Variants in CPED1 observed in about 807,000 individuals in gnomAD.
CPED1 encodes cadherin-like and PC-esterase domain-containing protein 1.
CPED1 carries 114 observed loss-of-function variants against 128.2 expected under a neutral mutation model. The ratio of observed to expected loss-of-function variants is 0.89; its 90% CI spans 0.76 to 1.04. CPED1 has a LOEUF of 1.04. Among genes scored for constraint, CPED1 ranks in the 50% least tolerant of loss-of-function variants. The pLI is 0.00. For synonymous variants in CPED1, 462 were observed against 426.7 expected (o/e 1.08, Z -1.02); for missense variants, 1,211 against 1,207.1 (o/e 1.00, Z -0.05).
At chr7:121,063,585 A>AT (rs1793742829) in intron 4 of CPED1, among the ~76,000 whole-genome samples, 1 of 151,926 alleles carries the variant, frequency 6.6e-6, no homozygotes, top group East Asian at 1.9e-4. Context: ...AATGAATCTG[A>AT]TTTTCAAGCT....
chr7:121,169,892 A>G (rs145703930), intron 16 of CPED1, among the ~76,000 whole-genome samples: 1 of 152,108 alleles, frequency 6.6e-6, no homozygotes, highest in Admixed American at 6.5e-5. Context: ...TTTCTTTAGC[A>G]TGGATGGCTC....
chr7:121,248,594 CAAAAAAAAA>C lies in CPED1; in HGVS notation c.2310+4267_2310+4275del, dbSNP rs36015608. Among the ~76,000 whole-genome samples the C allele has an allele frequency of 1.0e-3, 120 of 118,474 alleles. 1 individual carries two copies. The highest frequency in any genetic ancestry group is 4.0e-3 in the African/African-American group (114 of 28,570). The allele number at this position is 118,474 out of a possible 152,430, so 77.7% of individuals were successfully genotyped here. A position where few individuals can be genotyped will look rare whatever the true frequency, so the allele number is the denominator to read the frequency against. ...GCTAATATAGCAGCACCCTGTGAAACAAAAAAAAAAAAAAAAAAAGCATTAAGCCACAAA... is the reference window on the plus strand; with the variant it reads ...GCTAATATAGCAGCACCCTGTGAAACAAAAAAAAAAGCATTAAGCCACAAA... On this transcript the variant is annotated intron_variant, in intron 18 of 22. Transcript: ENST00000310396.
At chr7:121,005,713 C>A (rs1048385949) in intron 2 of CPED1, among the ~76,000 whole-genome samples, 2 of 152,168 alleles carry the variant, frequency 1.3e-5, no homozygotes, top group African/African-American at 4.8e-5. Flanking sequence ...AATTTAAGGG[C>A]TTTTACTTAA....
At position 121,124,403 on chromosome 7, in the gene CPED1, A is replaced by G. The variant is rs1795453351; in HGVS notation, c.991A>G (p.Ile331Val). 1 of 1,608,698 alleles carries G rather than the reference A, an allele frequency of 6.2e-7. No individual in the cohort carries two copies. The highest frequency in any genetic ancestry group is 2.2e-5 in the East Asian group (1 of 44,514). The change falls in exon 8 of 23, where the codon ATT (isoleucine) becomes GTT (valine). Residue 331 changes from isoleucine (I) to valine (V), a missense_variant. Ile to Val is a conservative substitution (Grantham distance 29). Transcript: ENST00000310396. The stretch of plus-strand genomic sequence containing the variant: ...GGCTTTTGACATTATGAAGGAAGCA[A>G]TTGGCAAACTACTGCTAGCGGCTGA... ...QQAFDIMKEAIGKLLLAAEVF... is the reference protein window; with the variant it reads ...QQAFDIMKEAVGKLLLAAEVF...
chr7:121,199,697 A>AAAAAAAAAAAAAAAAAAAAAAAG, intron 16 of CPED1, among the ~76,000 whole-genome samples: 1 of 41,760 alleles, frequency 2.4e-5, no homozygotes, highest in Non-Finnish European at 4.1e-5. Flanking sequence ...AAAAAAAAAA[A>AAAAAAAAAAAAAAAAAAAAAAAG]AAAGAAAGAA....
chr7:121,015,948 C>G (rs1792291486), intron 3 of CPED1, 100 bp downstream of exon 3: 1 of 882,614 alleles, frequency 1.1e-6, no homozygotes, highest in Non-Finnish European at 1.5e-6. Context: ...TTTATAAAAA[C>G]AAATATTTAT....
At chr7:121,027,525 GA>G (rs1237799013) in intron 3 of CPED1, among the ~76,000 whole-genome samples, 4 of 151,358 alleles carry the variant, frequency 2.6e-5, no homozygotes, top group Admixed American at 6.6e-5. Flanking sequence ...TGGACTTTTG[GA>G]AAAAAAATTA....
chr7:121,159,104 T>C (rs189952262), intron 16 of CPED1, among the ~76,000 whole-genome samples: 10 of 152,184 alleles, frequency 6.6e-5, no homozygotes, highest in African/African-American at 2.4e-4. Context: ...GTTTTCAGAC[T>C]CTCTCCAAAA....
chr7:121,142,070 C>G lies in CPED1; in HGVS notation c.1984C>G (p.Leu662Val), dbSNP rs767100061. Residue 662 changes from leucine to valine, a missense_variant, in exon 16 of 23, where the codon CTC becomes GTC. By Grantham distance (32) the Leu-to-Val change is conservative (BLOSUM62 1). Transcript: ENST00000310396. ...CGGTGAGACTCTGATCACGTACAAA[C>G]TCACCATCTATAGAGAAGACCGCCC... ...AHGETLITYK[L>V]TIYREDRPSL... 5.0e-6 allele frequency: 8 copies of G among 1,612,712 alleles called. No homozygotes were observed. The highest frequency in any genetic ancestry group is 6.8e-6 in the Non-Finnish European group (8 of 1,179,114).
chr7:121,126,403 A>G (rs909304310), intron 9 of CPED1, among the ~76,000 whole-genome samples: 1 of 152,078 alleles, frequency 6.6e-6, no homozygotes, highest in African/African-American at 2.4e-5. Context: ...CTCAAATTAA[A>G]TATACTCATT....
intron 14 of CPED1, among the ~76,000 whole-genome samples, chr7:121,139,760 C>CTA (rs1795860235): frequency 6.6e-6 from 1 of 151,934 alleles, no homozygotes; most frequent in Non-Finnish European, 1.5e-5. Context: ...GGGGAAAAAA[C>CTA]AACAGTTACT....
intron 16 of CPED1, among the ~76,000 whole-genome samples, chr7:121,154,817 T>C (rs1352435850): frequency 6.6e-6 from 1 of 152,244 alleles, no homozygotes; most frequent in African/African-American, 2.4e-5. Flanking sequence ...GTGCTGGGAT[T>C]ACAGGCGTGA....
At chr7:121,077,042 C>T (rs1794143593) in intron 5 of CPED1, among the ~76,000 whole-genome samples, 1 of 152,014 alleles carries the variant, frequency 6.6e-6, no homozygotes, top group Non-Finnish European at 1.5e-5. Context: ...TTTCTTCCTC[C>T]TGGTGGCCCC....
intron 16 of CPED1, among the ~76,000 whole-genome samples, chr7:121,161,735 G>A (rs1230975655): frequency 1.3e-5 from 2 of 152,102 alleles, no homozygotes; most frequent in Non-Finnish European, 2.9e-5. Context: ...ATCAAAATGA[G>A]AATAAAGTTT....
At chr7:121,024,654 G>T (rs1792525492) in intron 3 of CPED1, among the ~76,000 whole-genome samples, 3 of 152,132 alleles carry the variant, frequency 2.0e-5, no homozygotes, top group Non-Finnish European at 4.4e-5. Flanking sequence ...AATTTGATAA[G>T]TAATTTACTT....
intron 14 of CPED1, among the ~76,000 whole-genome samples, chr7:121,140,086 A>G (rs1228392670): frequency 1.3e-5 from 2 of 152,076 alleles, no homozygotes; most frequent in African/African-American, 2.4e-5. Flanking sequence ...GTATGTGCCT[A>G]TAAAACAATT....
intron 18 of CPED1, among the ~76,000 whole-genome samples, chr7:121,252,719 A>C (rs954646527): frequency 1.3e-5 from 2 of 152,216 alleles, no homozygotes; most frequent in Non-Finnish European, 2.9e-5. Context: ...AAAAATGCTC[A>C]TCATCACTGG....
chr7:121,206,506 T>G (rs1244671198), intron 16 of CPED1, among the ~76,000 whole-genome samples: 1 of 152,040 alleles, frequency 6.6e-6, no homozygotes, highest in African/African-American at 2.4e-5. Flanking sequence ...TTTATTGTTT[T>G]TATTACAAAT....
intron 16 of CPED1, among the ~76,000 whole-genome samples, chr7:121,178,159 G>A (rs1269995310): frequency 6.6e-6 from 1 of 152,028 alleles, no homozygotes; most frequent in Admixed American, 6.6e-5. Flanking sequence ...TGAGGAGGGG[G>A]CAATGAACCA....
Sources: allele counts gnomAD v4.1 joint callset (sites outside exome capture counted in the v4.1 genomes callset), GRCh38; gene constraint gnomAD v4.1.1; transcripts MANE v1.5; gene names NCBI Gene and HGNC (gene_info 2026-07-23, HGNC 2026-07-21).